The following DNAH14 variants were observed in gnomAD, a reference collection of about 807,000 sequenced individuals.
The protein encoded by DNAH14 is dynein axonemal heavy chain 14, also known as axonemal beta dynein heavy chain 14.
Under a neutral mutation model 520.9 loss-of-function variants are expected in DNAH14, and 478 were observed. That is an observed-to-expected ratio of 0.92 (90% CI 0.85 to 0.99). The LOEUF (loss-of-function observed/expected upper bound fraction) is 0.99, where lower values mean the gene tolerates loss of function less well. Among genes scored for constraint, DNAH14 ranks in the 50% least tolerant of loss-of-function variants. The probability of loss-of-function intolerance (pLI) is 0.00; values close to 1 mark genes in which losing one functional copy is unlikely to be tolerated. For synonymous variants in DNAH14, 1,581 were observed against 1,757.2 expected (o/e 0.90, Z 2.51); for missense variants, 4,831 against 5,234.5 (o/e 0.92, Z 2.38).
chr1:225,061,848 C>T (rs1348362286), intron 17 of DNAH14, among the ~76,000 whole-genome samples: 5 of 152,158 alleles, frequency 3.3e-5, no homozygotes, highest in African/African-American at 9.7e-5. Flanking sequence ...AGTTCATCTT[C>T]ATCCATTTAG....
At chr1:224,945,928 C>T (rs971374322) in intron 1 of DNAH14, among the ~76,000 whole-genome samples, 8 of 152,412 alleles carry the variant, frequency 5.2e-5, no homozygotes, top group Admixed American at 3.3e-4. Context: ...TTAGGCTACT[C>T]GGGGGTCAGG....
At chr1:225,194,685 G>C (rs954692828) in intron 38 of DNAH14, among the ~76,000 whole-genome samples, 2 of 151,998 alleles carry the variant, frequency 1.3e-5, no homozygotes, top group East Asian at 3.9e-4. Context: ...CCTAATTAAA[G>C]AGCTGCTGCA....
At chr1:225,155,661 A>G (rs2080957240) in intron 34 of DNAH14, among the ~76,000 whole-genome samples, 2 of 152,194 alleles carry the variant, frequency 1.3e-5, no homozygotes, top group African/African-American at 2.4e-5. Flanking sequence ...TTTTCTTCAA[A>G]TGACAGGAAA....
In DNAH14 at chr1:225,082,605, C is replaced by T; in HGVS notation, c.3193C>T (p.Gln1065Ter). The T allele has an allele frequency of 1.3e-6, 2 of 1,551,580 alleles. No individual in the cohort carries two copies. Among genetic ancestry groups the T allele is most frequent in the East Asian group, 2.4e-5 (1 of 40,878 alleles). Residue 1065 changes from glutamine (Q) to a stop codon, truncating the protein, a stop_gained, in exon 20 of 86, where the codon CAA (glutamine) becomes TAA (stop). Transcript: ENST00000682510. LOFTEE classifies it high-confidence loss of function. The part of the protein sequence containing the change: ...HLKQVVTEFK[Q>*]ELPIIIALGN... The stretch of plus-strand genomic sequence containing the variant: ...TAAGCAAGTGGTAACAGAGTTTAAA[C>T]AAGAGCTGCCTATCATTATAGCTCT...
chr1:225,320,056 C>CT (rs1469717946), intron 61 of DNAH14, among the ~76,000 whole-genome samples: 5 of 152,018 alleles, frequency 3.3e-5, no homozygotes, highest in Admixed American at 2.6e-4. Flanking sequence ...ATCCTCTTAG[C>CT]TTTTTTTTCT....
intron 27 of DNAH14, among the ~76,000 whole-genome samples, chr1:225,129,825 A>G (rs2078187037): frequency 6.6e-6 from 1 of 152,184 alleles, no homozygotes; most frequent in African/African-American, 2.4e-5. Flanking sequence ...AATGGAATCT[A>G]ATTAAACTAA....
At chr1:225,060,006 T>C (rs1271832523) in intron 17 of DNAH14, among the ~76,000 whole-genome samples, 1 of 151,726 alleles carries the variant, frequency 6.6e-6, no homozygotes, top group Non-Finnish European at 1.5e-5. Flanking sequence ...TTATGTGTCT[T>C]GGAGTTGCTC....
intron 19 of DNAH14, among the ~76,000 whole-genome samples, chr1:225,082,257 C>G (rs1441169895): frequency 6.7e-6 from 1 of 149,990 alleles, no homozygotes; most frequent in Non-Finnish European, 1.5e-5. Flanking sequence ...ATCTGGGAAA[C>G]CTGTGGTAGC....
intron 37 of DNAH14, among the ~76,000 whole-genome samples, chr1:225,186,961 G>T (rs1490880656): frequency 6.6e-6 from 1 of 151,714 alleles, no homozygotes; most frequent in Admixed American, 6.6e-5. Context: ...CTTCTTACTG[G>T]TCTGTTCAAG....
chr1:225,054,048 C>G (rs1450454623), intron 17 of DNAH14, among the ~76,000 whole-genome samples: 1 of 152,110 alleles, frequency 6.6e-6, no homozygotes, highest in Non-Finnish European at 1.5e-5. Context: ...GAGACAGAGT[C>G]AGCTCTAAAC....
At chr1:225,298,752 C>G (rs1259361498) in intron 55 of DNAH14, among the ~76,000 whole-genome samples, 1 of 152,184 alleles carries the variant, frequency 6.6e-6, no homozygotes, top group Non-Finnish European at 1.5e-5. Context: ...TTCTCCCAAT[C>G]CAGAGCAATG....
chr1:225,175,480 C>T (rs2083207344), intron 36 of DNAH14, among the ~76,000 whole-genome samples: 3 of 151,888 alleles, frequency 2.0e-5, no homozygotes, highest in South Asian at 2.1e-4. Flanking sequence ...GTGGTATCAG[C>T]TATAATGTCT....
At chr1:225,021,453 AT>A (rs925605322) in intron 10 of DNAH14, among the ~76,000 whole-genome samples, 41 of 152,212 alleles carry the variant, frequency 2.7e-4, no homozygotes, top group African/African-American at 9.9e-4. Flanking sequence ...GTTTCAGCAT[AT>A]AAAATCAATG....
chr1:225,350,680 A>T (rs1574965869), intron 71 of DNAH14, among the ~76,000 whole-genome samples: 1 of 152,290 alleles, frequency 6.6e-6, no homozygotes, highest in Non-Finnish European at 1.5e-5. Context: ...CTTGTAGTCT[A>T]CCGAGACTGA....
chr1:225,348,112 C>A (rs919113485), intron 71 of DNAH14, among the ~76,000 whole-genome samples: 16 of 151,972 alleles, frequency 1.1e-4, no homozygotes, highest in African/African-American at 3.9e-4. Context: ...CAACAGCAGA[C>A]TTAATCAGAC....
chr1:225,360,728 G>A lies in DNAH14; in HGVS notation c.11824G>A (p.Gly3942Arg), dbSNP rs1231065576. Reference protein sequence around the residue: ...ILLRFAQELKGTTHHVTIISL... With the variant: ...ILLRFAQELKRTTHHVTIISL... ...CCTGAGATTTGCACAAGAGTTAAAA[G>A]GAACAACACATCATGTGACCATAAT... Residue 3942 changes from glycine (G) to arginine (R), a missense_variant, in exon 75 of 86, where the codon GGA becomes AGA. By Grantham distance (125) the Gly-to-Arg change is moderately radical. Coordinates refer to ENST00000682510, the MANE Select transcript of DNAH14 (RefSeq NM_001367479.1). The A allele has an allele frequency of 1.3e-6, 2 of 1,551,676 alleles. No homozygotes were observed. Among genetic ancestry groups the A allele is most frequent in the East Asian group, 4.9e-5 (2 of 40,902 alleles).
Position 224,984,917 on chromosome 1 carries a change from G to A in DNAH14, c.830+10764G>A, listed in dbSNP as rs1024114930. 1.4e-4 allele frequency among the ~76,000 whole-genome samples: 21 copies of A among 152,196 alleles called. No individual in the cohort carries two copies. In the East Asian group the frequency reaches 1.9e-3, roughly 14 times the overall value. On this transcript the variant is annotated intron_variant, in intron 8 of 85. Transcript: ENST00000682510. ...GAAATGCAAATCAAAACCACAATGC[G>A]ATACCTTACTCCTGTAAGAATGCCC...
intron 17 of DNAH14, among the ~76,000 whole-genome samples, chr1:225,076,343 A>G (rs1218909921): frequency 6.6e-6 from 1 of 152,048 alleles, no homozygotes; most frequent in Non-Finnish European, 1.5e-5. Context: ...GCTGAATTTT[A>G]CTGTGATGGG....
intron 27 of DNAH14, among the ~76,000 whole-genome samples, chr1:225,130,274 A>C (rs2148948169): frequency 6.6e-6 from 1 of 152,258 alleles, no homozygotes; most frequent in South Asian, 2.1e-4. Context: ...TTCCTCAGAG[A>C]TCTCGAACTA....
Sources: gnomAD v4.1 joint callset for allele counts (sites outside exome capture counted in the v4.1 genomes callset) on GRCh38, gnomAD v4.1.1 for gene constraint, MANE v1.5 for transcripts, NCBI Gene and HGNC (gene_info 2026-07-23, HGNC 2026-07-21) for gene names.